Variants in HAL observed in about 807,000 individuals in gnomAD.
The protein encoded by HAL is histidine ammonia-lyase, also known as histidase.
Under a neutral mutation model 81.1 loss-of-function variants are expected in HAL, and 85 were observed. That is an observed-to-expected ratio of 1.05 (90% CI 0.88 to 1.25). The LOEUF is 1.25. Among genes scored for constraint, HAL ranks in the 50% most tolerant of loss-of-function variants. The pLI is 0.00. For synonymous variants in HAL, 301 were observed against 309.2 expected, an observed-to-expected ratio of 0.97 and a Z score of 0.28; for missense variants, 798 against 836.6, an observed-to-expected ratio of 0.95 and a Z score of 0.57.
intron 15 of HAL, among the ~76,000 whole-genome samples, chr12:95,983,084 A>G (rs910146661): frequency 1.3e-5 from 2 of 152,214 alleles, no homozygotes; most frequent in Non-Finnish European, 2.9e-5. Flanking sequence ...AGTGCGCATG[A>G]CAAATAAAAA....
intron 2 of HAL, 73 bp downstream of exon 2, chr12:95,995,590 TG>T: frequency 6.3e-7 from 1 of 1,592,144 alleles, no homozygotes. Flanking sequence ...TTCCCTGAGG[TG>T]GGGGTTCAAT....
chr12:95,994,258 G>A (rs1950006278), intron 4 of HAL, 94 bp from the exon 5 acceptor site: 2 of 849,406 alleles, frequency 2.4e-6, no homozygotes, highest in South Asian at 2.6e-5. Flanking sequence ...TGACATTTCA[G>A]AGATCTGATC....
At position 95,976,480 on chromosome 12, in the gene HAL, G is replaced by A. The variant is rs776564752; in HGVS notation, c.1782C>T (p.Arg594=). The A allele has an allele frequency of 1.2e-6, 2 of 1,614,112 alleles. No individual in the cohort carries two copies. The highest frequency in any genetic ancestry group is 1.7e-6 in the Non-Finnish European group (2 of 1,179,948). The stretch of plus-strand genomic sequence containing the variant: ...CTGCCTCGATGTCCGGGGCCATGAA[G>A]CGATCTTTTATCCAGGGCCTACAGG... ...RSVVRPWIKD[R]FMAPDIEAAH... The change falls in exon 20 of 21, where the codon CGC becomes CGT. Residue 594 remains arginine, a synonymous_variant. Transcript: ENST00000261208.
rs749072730 is a variant in HAL, at chr12:95,990,523, A to G, written c.725T>C (p.Leu242Pro). 1 of 1,613,620 alleles carries G rather than the reference A, an allele frequency of 6.2e-7. No homozygotes were observed. Among genetic ancestry groups the G allele is most frequent in the South Asian group, 1.1e-5 (1 of 91,062 alleles). Residue 242 changes from leucine to proline, a missense_variant, in exon 10 of 21, where the codon CTG (leucine) becomes CCG (proline). Transcript: ENST00000261208. ...QVIEMFNASC[L>P]PYVPEKGTVG... The stretch of plus-strand genomic sequence containing the variant: ...GGTTCCTTTCTCTGGGACATAGGGC[A>G]GGCAGGAGGCTGGGAGAGAAGTAGG...
Position 95,974,349 on chromosome 12 carries a change from G to A in HAL, c.1857C>T (p.Tyr619=). 1 of 1,613,476 alleles carries A rather than the reference G, an allele frequency of 6.2e-7. No homozygotes were observed. The highest frequency in any genetic ancestry group is 8.5e-7 in the Non-Finnish European group (1 of 1,179,390). ...EQKVWEVAAP[Y]IEKYRMEHIP... ...TATGCTCCATTCTGTATTTTTCAAT[G>A]TATGGAGCAGCTACTTCCCAAACCT... Residue 619 remains tyrosine (Y), a synonymous_variant, in exon 21 of 21, where the codon TAC becomes TAT. Transcript: ENST00000261208.
intron 20 of HAL, among the ~76,000 whole-genome samples, chr12:95,975,092 G>A (rs935606650): frequency 6.6e-6 from 1 of 152,212 alleles, no homozygotes; most frequent in Non-Finnish European, 1.5e-5. Context: ...GCAGTGAATT[G>A]TATTTCCCTA....
In HAL at chr12:95,974,096, C is replaced by A. The variant is rs2080686276; in HGVS notation, c.*136G>T. The A allele has an allele frequency of 2.0e-5, 17 of 832,756 alleles. No homozygotes were observed. The highest frequency in any genetic ancestry group is 2.1e-6 in the Non-Finnish European group (1 of 476,056). 51.6% of individuals were successfully genotyped at this position (832,756 alleles called of 1,614,324 possible). A position where few individuals can be genotyped will look rare whatever the true frequency, so the allele number is the denominator to read the frequency against. On this transcript the variant is annotated 3_prime_UTR_variant, in exon 21 of 21. Transcript: ENST00000261208. ...ACTATAATACTGCCATCAGCCTAAC[C>A]AACGTAGGCTTTAGAAGAACTGAAT...
intron 8 of HAL, 136 bp downstream of exon 8, chr12:95,993,315 C>T (rs530307995): frequency 1.4e-4 from 102 of 744,878 alleles, no homozygotes; most frequent in South Asian, 1.1e-3. Flanking sequence ...CATCCCTTCT[C>T]ACCTCGGCAC....
At position 95,988,232 on chromosome 12, in the gene HAL, T is replaced by G. The variant is rs776274627; in HGVS notation, c.864A>C (p.Glu288Asp). Residue 288 changes from glutamate (E) to aspartate (D), a missense_variant, in exon 11 of 21, where the codon GAA (glutamate) becomes GAC (aspartate). Physicochemically the swap from Glu to Asp is conservative, Grantham distance 45. Transcript: ENST00000261208. ...SGWADAKYVLEAHGLKPVILK... is the reference protein window; with the variant it reads ...SGWADAKYVLDAHGLKPVILK... ...AAATAACTGGTTTCAATCCATGGGC[T>G]TCTAGCACCTATAGAATGATTAAAA... is the stretch of plus-strand genomic sequence containing the variant. The G allele has an allele frequency of 4.0e-6, 6 of 1,496,994 alleles. No individual in the cohort carries two copies. The highest frequency in any genetic ancestry group is 9.3e-7 in the Non-Finnish European group (1 of 1,073,574). 92.7% of individuals were successfully genotyped at this position (1,496,994 alleles called of 1,614,324 possible).
intron 9 of HAL, among the ~76,000 whole-genome samples, chr12:95,991,598 A>G (rs1949971131): frequency 6.6e-6 from 1 of 152,230 alleles, no homozygotes; most frequent in African/African-American, 2.4e-5. Flanking sequence ...TTTCTGAAAT[A>G]AAATCAGATT....
At position 95,976,126 on chromosome 12, in the gene HAL, G is replaced by T. The variant is rs1202868829; in HGVS notation, c.1833+303C>A. The stretch of plus-strand genomic sequence containing the variant: ...TTGAATCAAAGAGGACATCTTGCAG[G>T]GGTGGGGAGGCATCAATGAACCTGA... On this transcript the variant is annotated intron_variant, in intron 20 of 20. Transcript: ENST00000261208. 97 of 408,282 alleles carry T rather than the reference G, an allele frequency of 2.4e-4. 2 individuals are homozygous for T. Among genetic ancestry groups the T allele is most frequent in the South Asian group, 2.0e-3 (95 of 47,272 alleles). 25.3% of individuals were successfully genotyped at this position (408,282 alleles called of 1,614,324 possible). A position where few individuals can be genotyped will look rare whatever the true frequency, so the allele number is the denominator to read the frequency against.
At chr12:95,974,470 C>G (rs1288718310) in intron 20 of HAL, 98 bp from the exon 21 acceptor site, 1 of 1,026,012 alleles carries the variant, frequency 9.7e-7, no homozygotes, top group African/African-American at 1.6e-5. Flanking sequence ...ATACTCTATA[C>G]ATGACCAGAC....
rs765524767 is a variant in HAL, at chr12:95,985,896, T to C, written c.1206+12A>G. 5.1e-6 allele frequency: 8 copies of C among 1,583,402 alleles called. No homozygotes were observed. The highest frequency in any genetic ancestry group is 5.2e-6 in the Non-Finnish European group (6 of 1,154,288). Reference sequence around the variant, plus strand: ...CATTTTTTATTGACCTTTTTTTTTTTCTTTATTTTACCTGTGGACAGCAGC... The same window carrying C: ...CATTTTTTATTGACCTTTTTTTTTTCCTTTATTTTACCTGTGGACAGCAGC... On this transcript the variant is annotated intron_variant, in intron 14 of 20. Coordinates refer to ENST00000261208, the MANE Select transcript of HAL (RefSeq NM_002108.4).
chr12:95,989,759 T>C (rs1346671621), intron 10 of HAL: 1 of 158,814 alleles, frequency 6.3e-6, no homozygotes, highest in East Asian at 1.9e-4. Context: ...GGAAGACAGA[T>C]GATCTAGAAG....
chr12:95,995,649 C>T lies in HAL; in HGVS notation c.247+15G>A. The T allele has an allele frequency of 6.2e-7, 1 of 1,612,870 alleles. No individual in the cohort carries two copies. Among genetic ancestry groups the T allele is most frequent in the South Asian group, 1.1e-5 (1 of 91,056 alleles). The stretch of plus-strand genomic sequence containing the variant: ...AAACCGCACCCGTTCGCGGCCCTCT[C>T]CTGCAGCCACTCACCCACTTCCACG... On this transcript the variant is annotated intron_variant, in intron 2 of 20. Transcript: ENST00000261208.
At chr12:95,978,131 A>G in intron 17 of HAL, 53 bp from the exon 18 acceptor site, 1 of 1,496,656 alleles carries the variant, frequency 6.7e-7, no homozygotes, top group Non-Finnish European at 9.3e-7. Context: ...TGAGCTGTCT[A>G]AAGGACCCGT....
intron 10 of HAL, among the ~76,000 whole-genome samples, chr12:95,988,805 G>A (rs1272703651): frequency 6.6e-6 from 1 of 152,122 alleles, no homozygotes; most frequent in Non-Finnish European, 1.5e-5. Flanking sequence ...AGGGGGCGAT[G>A]GGCAGAACAA....
intron 20 of HAL, among the ~76,000 whole-genome samples, 198 bp from the exon 21 acceptor site, chr12:95,974,570 A>T (rs1052348494): frequency 6.6e-6 from 1 of 152,222 alleles, no homozygotes; most frequent in Non-Finnish European, 1.5e-5. Context: ...CTGTAAATAT[A>T]CAAAGTCCAA....
chr12:95,973,685 C>A lies in HAL; in HGVS notation c.*547G>T, dbSNP rs144002506. ...CTATTGACTACTCTTTACTATGATCCAATTAATAGAAGAAAAAAGCAGCTT... is the reference window on the plus strand; with the variant it reads ...CTATTGACTACTCTTTACTATGATCAAATTAATAGAAGAAAAAAGCAGCTT... On this transcript the variant is annotated 3_prime_UTR_variant, in exon 21 of 21. Transcript: ENST00000261208. The A allele has an allele frequency of 9.0e-4, 141 of 156,668 alleles. No homozygotes were observed. Among genetic ancestry groups the A allele is most frequent in the Admixed American group, 2.6e-3 (42 of 16,168 alleles). The allele number at this position is 156,668 out of a possible 1,614,324, so 9.7% of individuals were successfully genotyped here.
Sources: gnomAD v4.1 joint callset for allele counts (sites outside exome capture counted in the v4.1 genomes callset) on GRCh38, gnomAD v4.1.1 for gene constraint, MANE v1.5 for transcripts, NCBI Gene and HGNC (gene_info 2026-07-23, HGNC 2026-07-21) for gene names.